ASAP1: variants seen among roughly 807,000 people sequenced by gnomAD.
The protein encoded by ASAP1 is arf-GAP with SH3 domain, ANK repeat and PH domain-containing protein 1.
ASAP1 carries 43 observed loss-of-function variants against 145.2 expected under a neutral mutation model. The ratio of observed to expected loss-of-function variants is 0.30; its 90% CI spans 0.23 to 0.38. ASAP1 has a LOEUF of 0.38. Among genes scored for constraint, ASAP1 ranks in the 10% least tolerant of loss-of-function variants. ASAP1 has a pLI of 1.00. For synonymous variants in ASAP1, 546 were observed against 515.5 expected (o/e 1.06, Z -0.80); for missense variants, 1,018 against 1,355.3 (o/e 0.75, Z 3.91).
At chr8:130,433,947 C>G (rs986049808) in intron 1 of ASAP1, among the ~76,000 whole-genome samples, 1 of 152,200 alleles carries the variant, frequency 6.6e-6, no homozygotes, top group African/African-American at 2.4e-5. Flanking sequence ...AATTAAAATT[C>G]AAGTCTGTAG....
intron 15 of ASAP1, among the ~76,000 whole-genome samples, chr8:130,133,758 C>T (rs2097587597): frequency 6.6e-6 from 1 of 152,140 alleles, no homozygotes; most frequent in Non-Finnish European, 1.5e-5. Flanking sequence ...CTATATCACG[C>T]TCCCTTTTAT....
intron 18 of ASAP1, 72 bp downstream of exon 18, chr8:130,123,941 G>T: frequency 2.0e-5 from 21 of 1,025,802 alleles, no homozygotes; most frequent in East Asian, 2.7e-5. Flanking sequence ...AAAAAAAAAA[G>T]AAGTTTTTTG....
chr8:130,325,389 C>CAAG (rs1824262360), intron 3 of ASAP1, among the ~76,000 whole-genome samples: 2 of 152,212 alleles, frequency 1.3e-5, no homozygotes, highest in Admixed American at 6.5e-5. Flanking sequence ...CTACACTATG[C>CAAG]TTGCCTCGTG....
chr8:130,295,882 T>C (rs917260419), intron 3 of ASAP1, among the ~76,000 whole-genome samples: 7 of 152,196 alleles, frequency 4.6e-5, no homozygotes, highest in Non-Finnish European at 1.0e-4. Context: ...ATCTTAAGTA[T>C]AGGAGCTGCG....
At chr8:130,266,557 A>G (rs969723447) in intron 3 of ASAP1, among the ~76,000 whole-genome samples, 8 of 152,192 alleles carry the variant, frequency 5.3e-5, no homozygotes, top group African/African-American at 1.9e-4. Flanking sequence ...ACATCAGGCC[A>G]TATAAATTTC....
chr8:130,235,762 G>T (rs1180074937), intron 4 of ASAP1, among the ~76,000 whole-genome samples: 1 of 152,088 alleles, frequency 6.6e-6, no homozygotes, highest in Non-Finnish European at 1.5e-5. Context: ...AAAAACAAGA[G>T]AATATTAGGT....
intron 13 of ASAP1, 24 bp from the exon 14 acceptor site, chr8:130,137,062 A>G (rs1586411083): frequency 6.3e-7 from 1 of 1,587,630 alleles, no homozygotes; most frequent in Non-Finnish European, 8.7e-7. Context: ...GAAAATGGAG[A>G]AGTTACATGC....
intron 5 of ASAP1, among the ~76,000 whole-genome samples, chr8:130,206,214 T>C (rs1467825025): frequency 1.3e-5 from 2 of 152,080 alleles, no homozygotes; most frequent in Non-Finnish European, 2.9e-5. Context: ...ACCTGGTAGA[T>C]CAAACGCTGA....
intron 2 of ASAP1, among the ~76,000 whole-genome samples, chr8:130,370,980 T>A (rs1044452900): frequency 6.6e-5 from 10 of 152,196 alleles, no homozygotes; most frequent in African/African-American, 2.4e-4. Context: ...ATGGTGATAG[T>A]TCTATCATTT....
chr8:130,254,567 G>A (rs907350189), intron 3 of ASAP1, among the ~76,000 whole-genome samples: 1 of 152,122 alleles, frequency 6.6e-6, no homozygotes, highest in Non-Finnish European at 1.5e-5. Context: ...TACATTAAAA[G>A]ATTAGAAGAT....
At chr8:130,390,626 T>C (rs1482798849) in intron 2 of ASAP1, among the ~76,000 whole-genome samples, 3 of 152,248 alleles carry the variant, frequency 2.0e-5, no homozygotes, top group African/African-American at 7.2e-5. Context: ...TGCCTAGGGC[T>C]TAAATAAATG....
At position 130,128,586 on chromosome 8, in the gene ASAP1, T is replaced by C. The variant is rs141068606; in HGVS notation, c.1218-496A>G. 1.8e-3 allele frequency among the ~76,000 whole-genome samples: 271 copies of C among 152,298 alleles called. 1 individual carries two copies. The highest frequency in any genetic ancestry group is 6.3e-3 in the African/African-American group (262 of 41,564). ...ACTTAACAGTGAAAATGAAGGGATA[T>C]TTCATTAGCAGCCATAAAAATTTAT... is the stretch of plus-strand genomic sequence containing the variant. On this transcript the variant is annotated intron_variant, in intron 15 of 29. Coordinates refer to ENST00000518721, the MANE Select transcript of ASAP1 (RefSeq NM_018482.4).
chr8:130,216,631 TTCTC>T (rs2136452367), intron 4 of ASAP1, among the ~76,000 whole-genome samples: 1 of 152,282 alleles, frequency 6.6e-6, no homozygotes, highest in East Asian at 1.9e-4. Context: ...TGGACCTTTC[TTCTC>T]TATTTTTGCT....
chr8:130,284,237 T>G (rs16904235), intron 3 of ASAP1, among the ~76,000 whole-genome samples: 14,498 of 152,146 alleles, frequency 0.095, 882 homozygotes, highest in South Asian at 0.27. Context: ...CCTGGAAATT[T>G]AGTAATAATG....
intron 3 of ASAP1, among the ~76,000 whole-genome samples, chr8:130,256,679 T>C (rs1819534496): frequency 6.8e-6 from 1 of 147,494 alleles, no homozygotes; most frequent in Admixed American, 6.8e-5. Flanking sequence ...AAGAAAAATA[T>C]AGCTTGAAGT....
chr8:130,156,623 TAAC>T (rs976825565), intron 12 of ASAP1, among the ~76,000 whole-genome samples: 3 of 152,214 alleles, frequency 2.0e-5, no homozygotes, highest in East Asian at 1.9e-4. Flanking sequence ...CTTAGAGTGA[TAAC>T]AGCAGCAGTG....
intron 13 of ASAP1, among the ~76,000 whole-genome samples, chr8:130,148,457 C>T (rs1323873029): frequency 6.6e-6 from 1 of 152,170 alleles, no homozygotes; most frequent in Non-Finnish European, 1.5e-5. Context: ...CTAGGAATTT[C>T]CAGCATGGTG....
chr8:130,139,309 C>T (rs1280313420), intron 13 of ASAP1, among the ~76,000 whole-genome samples: 2 of 152,166 alleles, frequency 1.3e-5, no homozygotes, highest in Admixed American at 6.5e-5. Flanking sequence ...AAAAGAAATA[C>T]ACTCCAATTG....
intron 12 of ASAP1, among the ~76,000 whole-genome samples, chr8:130,153,339 A>ATATATATATATATATATATG (rs1464806891): frequency 8.4e-5 from 4 of 47,744 alleles, no homozygotes; most frequent in African/African-American, 1.3e-4. Context: ...TTAAATATAT[A>ATATATATATATATATATATG]TATATATATA....
Sources: gnomAD v4.1 joint callset for allele counts (sites outside exome capture counted in the v4.1 genomes callset) on GRCh38, gnomAD v4.1.1 for gene constraint, MANE v1.5 for transcripts, NCBI Gene and HGNC (gene_info 2026-07-23, HGNC 2026-07-21) for gene names.